Variants in OSBPL5 observed in about 807,000 individuals in gnomAD.
OSBPL5 encodes oxysterol-binding protein-related protein 5.
A neutral mutation model predicts 111.2 loss-of-function variants in OSBPL5; 71 were observed. The ratio of observed to expected loss-of-function variants is 0.64; its 90% CI spans 0.53 to 0.78. The LOEUF is 0.78. Ranked by LOEUF, OSBPL5 falls within the 30% of genes least tolerant of loss-of-function variation. The probability of loss-of-function intolerance (pLI) is 0.00; values close to 1 mark genes in which losing one functional copy is unlikely to be tolerated. For missense variants in OSBPL5, 1,210 were observed against 1,189.3 expected, an observed-to-expected ratio of 1.02 and a Z score of -0.26; for synonymous variants, 549 against 513.9, an observed-to-expected ratio of 1.07 and a Z score of -0.93.
intron 1 of OSBPL5, among the ~76,000 whole-genome samples, chr11:3,138,962 G>A (rs1310304167): frequency 1.3e-5 from 2 of 152,252 alleles, no homozygotes; most frequent in Non-Finnish European, 2.9e-5. Flanking sequence ...CAAAGAGGAC[G>A]CGGCTGCTGT....
Position 3,161,250 on chromosome 11 carries a change from A to G in OSBPL5, c.-22+3966T>C, listed in dbSNP as rs558733975. The G allele has an allele frequency of 8.5e-5, 13 of 152,372 alleles. No homozygotes were observed. Among genetic ancestry groups the G allele is most frequent in the African/African-American group, 3.1e-4 (13 of 41,584 alleles). The allele number at this position is 152,372 out of a possible 1,614,324, so 9.4% of individuals were successfully genotyped here. A position where few individuals can be genotyped will look rare whatever the true frequency, so the allele number is the denominator to read the frequency against. On this transcript the variant is annotated intron_variant, in intron 1 of 21. Transcript: ENST00000263650. The surrounding 1 kb of genome is among the most constrained non-coding windows in gnomAD (Gnocchi z 8.0). ...TGAGAGGGGATCTATGGACCAGTTAAGTCCATCTGCATTCACCAAACACAC... is the reference window on the plus strand; with the variant it reads ...TGAGAGGGGATCTATGGACCAGTTAGGTCCATCTGCATTCACCAAACACAC...
intron 1 of OSBPL5, among the ~76,000 whole-genome samples, chr11:3,137,215 C>T (rs1188159852): frequency 6.6e-6 from 1 of 152,242 alleles, no homozygotes; most frequent in African/African-American, 2.4e-5. Flanking sequence ...TGAGAGCAGA[C>T]AGCAGCATAA....
chr11:3,157,045 T>C (rs4520579), intron 1 of OSBPL5, among the ~76,000 whole-genome samples: 94,260 of 152,230 alleles, frequency 0.62, 29,919 homozygotes, highest in African/African-American at 0.72. Flanking sequence ...AAGCTCCCAG[T>C]TCGCACAGGT....
intron 7 of OSBPL5, among the ~76,000 whole-genome samples, chr11:3,117,284 C>T (rs1004234156): frequency 3.2e-4 from 48 of 152,180 alleles, no homozygotes; most frequent in African/African-American, 1.1e-3. Flanking sequence ...GGGTTCCTGA[C>T]CTGTGGTAAG....
intron 10 of OSBPL5, among the ~76,000 whole-genome samples, chr11:3,103,843 G>A (rs1435154261): frequency 5.4e-5 from 4 of 74,762 alleles, no homozygotes; most frequent in South Asian, 8.8e-4. Flanking sequence ...AGCCTCTGCA[G>A]CCCCTTTCCA....
At chr11:3,091,450 T>A (rs1192845534) in intron 19 of OSBPL5, among the ~76,000 whole-genome samples, 1 of 150,818 alleles carries the variant, frequency 6.6e-6, no homozygotes, top group Non-Finnish European at 1.5e-5. Context: ...CATGGGATGG[T>A]TTTTGAGGCA....
intron 21 of OSBPL5, among the ~76,000 whole-genome samples, chr11:3,089,316 A>C (rs73413559): frequency 9.0e-4 from 137 of 152,350 alleles, no homozygotes; most frequent in African/African-American, 2.7e-3. Flanking sequence ...CCTGGCTCAG[A>C]GTCAGGAGCT....
At chr11:3,089,998 G>A in intron 20 of OSBPL5, 50 bp from the exon 21 acceptor site, 1 of 1,411,652 alleles carries the variant, frequency 7.1e-7, no homozygotes. Context: ...GAGTGAGGAT[G>A]AGCTGGAGGT....
chr11:3,103,805 CCTCTTCCTGCCTGCG>C (rs1857574684), intron 10 of OSBPL5, among the ~76,000 whole-genome samples: 1 of 63,316 alleles, frequency 1.6e-5, no homozygotes, highest in Non-Finnish European at 3.9e-5. Flanking sequence ...CCTCTGCAGC[CCTCTTCCTGCCTGCG>C]CAGCCCCCTT....
At position 3,121,206 on chromosome 11, in the gene OSBPL5, C is replaced by T. The variant is rs1023861694; in HGVS notation, c.403-582G>A. Among the ~76,000 whole-genome samples the T allele has an allele frequency of 2.6e-5, 4 of 151,826 alleles. No homozygotes were observed. The highest frequency in any genetic ancestry group is 4.4e-5 in the Non-Finnish European group (3 of 67,952). ...CCGAGTAGCTGGGATTACAGGCGCC[C>T]GCCACCATGCCTGGCTAATTTCTGT... On this transcript the variant is annotated intron_variant, in intron 5 of 21. Coordinates refer to ENST00000263650, the MANE Select transcript of OSBPL5 (RefSeq NM_020896.4). This position sits in a 1 kb window ranked among gnomAD's most constrained non-coding sequence, Gnocchi z 4.3.
At chr11:3,096,152 C>T (rs181934804) in intron 14 of OSBPL5, among the ~76,000 whole-genome samples, 19 of 152,280 alleles carry the variant, frequency 1.2e-4, no homozygotes, top group Admixed American at 2.6e-4. Flanking sequence ...CATCCATGCA[C>T]GGAGCATGGC....
intron 1 of OSBPL5, among the ~76,000 whole-genome samples, chr11:3,164,709 C>T (rs1847059904): frequency 6.6e-6 from 1 of 152,218 alleles, no homozygotes; most frequent in Non-Finnish European, 1.5e-5. Context: ...CACAGCAGTC[C>T]TCCCAAGCCC....
chr11:3,112,290 G>A (rs1015740903), intron 7 of OSBPL5, among the ~76,000 whole-genome samples: 4 of 151,968 alleles, frequency 2.6e-5, no homozygotes, highest in African/African-American at 7.3e-5. Flanking sequence ...ACCTTCTGCC[G>A]CATGGGGGAC....
intron 1 of OSBPL5, among the ~76,000 whole-genome samples, chr11:3,155,882 A>G (rs1846742995): frequency 6.6e-6 from 1 of 152,228 alleles, no homozygotes; most frequent in Admixed American, 6.5e-5. Context: ...ACCGGCTGTG[A>G]GCAGACCTGC....
chr11:3,110,352 G>A lies in OSBPL5; in HGVS notation c.692-2407C>T, dbSNP rs1006971158. ...CCAACCTCAGGTTAGAGGGAGGAAC[G>A]GCCAAGAGGGAATCCCTCCAGGTGG... is the stretch of plus-strand genomic sequence containing the variant. On this transcript the variant is annotated intron_variant, in intron 7 of 21. Transcript: ENST00000263650. This position sits in a 1 kb window ranked among gnomAD's most constrained non-coding sequence, Gnocchi z 5.3. Among the ~76,000 whole-genome samples, 7 of 152,230 alleles carry A rather than the reference G, an allele frequency of 4.6e-5. No individual in the cohort carries two copies. Among genetic ancestry groups the A allele is most frequent in the East Asian group, 1.9e-4 (1 of 5,190 alleles).
chr11:3,095,195 T>C (rs7102910), intron 14 of OSBPL5, among the ~76,000 whole-genome samples: 9 of 151,120 alleles, frequency 6.0e-5, no homozygotes, highest in Non-Finnish European at 1.2e-4. Flanking sequence ...GCAGCTCTGA[T>C]GGGGGGAGGT....
intron 20 of OSBPL5, among the ~76,000 whole-genome samples, chr11:3,090,290 C>T (rs1169014607): frequency 6.6e-6 from 1 of 152,216 alleles, no homozygotes; most frequent in Non-Finnish European, 1.5e-5. Flanking sequence ...GCCACTGGAC[C>T]TGCCCCTCCC....
In OSBPL5 at chr11:3,161,261, A is replaced by G. The variant is rs1358796757; in HGVS notation, c.-22+3955T>C. 6.6e-6 allele frequency: 1 copy of G among 152,230 alleles called. No individual in the cohort carries two copies. Among genetic ancestry groups the G allele is most frequent in the Non-Finnish European group, 1.5e-5 (1 of 68,044 alleles). The allele number at this position is 152,230 out of a possible 1,614,324, so 9.4% of individuals were successfully genotyped here. On this transcript the variant is annotated intron_variant, in intron 1 of 21. Coordinates refer to ENST00000263650, the MANE Select transcript of OSBPL5 (RefSeq NM_020896.4). This position sits in a 1 kb window ranked among gnomAD's most constrained non-coding sequence, Gnocchi z 8.0. The stretch of plus-strand genomic sequence containing the variant: ...CTATGGACCAGTTAAGTCCATCTGC[A>G]TTCACCAAACACACTATTAGGCATC...
rs915015262 is a variant in OSBPL5, at chr11:3,162,655, C to T, written c.-22+2561G>A. Among the ~76,000 whole-genome samples the T allele has an allele frequency of 6.6e-6, 1 of 151,994 alleles. No homozygotes were observed. The highest frequency in any genetic ancestry group is 2.4e-5 in the African/African-American group (1 of 41,354). Reference sequence around the variant, plus strand: ...ATACATCTCCACGGGAAAGGTTACCCAGCCGTGGCCAAGACCCAGCCACCA... The same window carrying T: ...ATACATCTCCACGGGAAAGGTTACCTAGCCGTGGCCAAGACCCAGCCACCA... On this transcript the variant is annotated intron_variant, in intron 1 of 21. Coordinates refer to ENST00000263650, the MANE Select transcript of OSBPL5 (RefSeq NM_020896.4). The surrounding 1 kb of genome is among the most constrained non-coding windows in gnomAD (Gnocchi z 8.1).
Sources: gnomAD v4.1 joint callset for allele counts (sites outside exome capture counted in the v4.1 genomes callset) on GRCh38, gnomAD v4.1.1 for gene constraint, Gnocchi (gnomAD v3.1) non-coding constraint, MANE v1.5 for transcripts, NCBI Gene and HGNC (gene_info 2026-07-23, HGNC 2026-07-21) for gene names.